ALOXE3: variants seen among roughly 807,000 people sequenced by gnomAD.
ALOXE3 encodes hydroperoxide isomerase ALOXE3.
A neutral mutation model predicts 87.5 loss-of-function variants in ALOXE3; 78 were observed. The ratio of observed to expected loss-of-function variants is 0.89; its 90% confidence interval spans 0.74 to 1.08. ALOXE3 has a LOEUF of 1.08. ALOXE3 is among the 50% of genes least tolerant of loss of function. The pLI is 0.00. For synonymous variants in ALOXE3, 363 were observed against 370.8 expected (o/e 0.98, Z 0.24); for missense variants, 946 against 912.4 (o/e 1.04, Z -0.47).
chr17:8,112,945 C>T (rs1384697981), intron 6 of ALOXE3, among the ~76,000 whole-genome samples: 1 of 152,064 alleles, frequency 6.6e-6, no homozygotes, highest in Non-Finnish European at 1.5e-5. Flanking sequence ...CCATGTAGTA[C>T]CTCCCAAGTA....
Position 8,103,455 on chromosome 17 carries a change from G to A in ALOXE3, c.1824C>T (p.Ser608=). Residue 608 remains serine (S), a synonymous_variant, in exon 15 of 16, where the codon TCC becomes TCT. Transcript: ENST00000448843. ...TGGTCTGGGGTGGGGGCTGCCTCAT[G>A]GATGATGGAGCATTGGGCATCCAGG... ...FGAWMPNAPS[S]MRQPPPQTKG... 6.2e-7 allele frequency: 1 copy of A among 1,614,176 alleles called. No individual in the cohort carries two copies. Among genetic ancestry groups the A allele is most frequent in the Non-Finnish European group, 8.5e-7 (1 of 1,180,024 alleles).
intron 13 of ALOXE3, among the ~76,000 whole-genome samples, chr17:8,107,825 G>T (rs538908726): frequency 0.014 from 31 of 2,294 alleles, no homozygotes; most frequent in African/African-American, 0.039. Context: ...AAGAAAGAAA[G>T]AAAGAAAGAA....
In ALOXE3 at chr17:8,112,216, T is replaced by C; in HGVS notation, c.681-20A>G. On this transcript the variant is annotated intron_variant, in intron 6 of 15. Transcript: ENST00000448843. Reference sequence around the variant, plus strand: ...AAGGACCTGATGGGAGAGGAAAAGATGAGGGTGAGGTCTGGGGGCTAGAGT... The same window carrying C: ...AAGGACCTGATGGGAGAGGAAAAGACGAGGGTGAGGTCTGGGGGCTAGAGT... The C allele has an allele frequency of 6.3e-7, 1 of 1,586,458 alleles. No homozygotes were observed. The highest frequency in any genetic ancestry group is 2.2e-5 in the East Asian group (1 of 44,716).
chr17:8,115,634 T>G lies in ALOXE3; in HGVS notation c.407A>C (p.Glu136Ala). Residue 136 changes from glutamate (E) to alanine (A), a missense_variant, in exon 4 of 16, where the codon GAG (glutamate) becomes GCG (alanine). Coordinates refer to ENST00000448843, the MANE Select transcript of ALOXE3 (RefSeq NM_021628.3). ...LPLLLDHRTR[E>A]LRARQECYRW... ...GTAGCATTCTTGTCGGGCCCGGAGCTCCCGTGTCCTGTGATCCAGGAGGAG... is the reference window on the plus strand; with the variant it reads ...GTAGCATTCTTGTCGGGCCCGGAGCGCCCGTGTCCTGTGATCCAGGAGGAG... 1 of 1,614,114 alleles carries G rather than the reference T, an allele frequency of 6.2e-7. No individual in the cohort carries two copies. Among genetic ancestry groups the G allele is most frequent in the Non-Finnish European group, 8.5e-7 (1 of 1,179,976 alleles).
chr17:8,096,462 G>A lies in ALOXE3; in HGVS notation c.*165C>T. 1.5e-6 allele frequency: 1 copy of A among 660,428 alleles called. No homozygotes were observed. The highest frequency in any genetic ancestry group is 2.5e-5 in the East Asian group (1 of 39,402). 40.9% of individuals were successfully genotyped at this position (660,428 alleles called of 1,614,324 possible). On this transcript the variant is annotated 3_prime_UTR_variant, in exon 16 of 16. Transcript: ENST00000448843. ...CTGGTCTCTCACAGCTCAGGGCCCA[G>A]TTTGTATGATGTCAGAGCCATCTTG...
rs1598206020 is a variant in ALOXE3, at chr17:8,108,051, GAAA to G, written c.1684+414_1684+416del. Among the ~76,000 whole-genome samples, 11 of 149,204 alleles carry G rather than the reference GAAA, an allele frequency of 7.4e-5. 2 individuals are homozygous for G. Among genetic ancestry groups the G allele is most frequent in the Admixed American group, 6.7e-4 (10 of 14,874 alleles). On this transcript the variant is annotated intron_variant, in intron 13 of 15. Coordinates refer to ENST00000448843, the MANE Select transcript of ALOXE3 (RefSeq NM_021628.3). ...AGAAAGAAAGAAAGAAAGAAAGAAA[GAAA>G]GAAAGAAAGAAAGGAAGAGAGGTTG...
At chr17:8,105,822 T>A (rs1487722089) in intron 13 of ALOXE3, among the ~76,000 whole-genome samples, 1 of 144,078 alleles carries the variant, frequency 6.9e-6, no homozygotes, top group African/African-American at 2.6e-5. Flanking sequence ...GGCTGAGGCA[T>A]GAGGATCACT....
At chr17:8,118,428 C>G in intron 1 of ALOXE3, 58 bp downstream of exon 1, 1 of 1,550,822 alleles carries the variant, frequency 6.4e-7, no homozygotes, top group Non-Finnish European at 8.7e-7. Context: ...CGCCCACTCC[C>G]CAATGTCCCC....
In ALOXE3 at chr17:8,107,774, G is replaced by A. The variant is rs1416070668; in HGVS notation, c.1684+694C>T. Among the ~76,000 whole-genome samples the A allele has an allele frequency of 2.1e-5, 3 of 142,770 alleles. 1 individual carries two copies. Among genetic ancestry groups the A allele is most frequent in the Non-Finnish European group, 4.6e-5 (3 of 65,656 alleles). The allele number at this position is 142,770 out of a possible 152,430, so 93.7% of individuals were successfully genotyped here. ...AGATCGCGCCACTGCACTCCAGCCT[G>A]GGCGACAGAGGGAGACTCCGTCTCA... On this transcript the variant is annotated intron_variant, in intron 13 of 15. Transcript: ENST00000448843.
intron 2 of ALOXE3, among the ~76,000 whole-genome samples, chr17:8,117,595 A>G (rs535334305): frequency 4.7e-4 from 72 of 152,228 alleles, no homozygotes; most frequent in Admixed American, 9.8e-4. Flanking sequence ...GCCCACGGTC[A>G]ATTATGGGAG....
intron 15 of ALOXE3, among the ~76,000 whole-genome samples, chr17:8,100,488 T>C (rs2151829878): frequency 6.6e-6 from 1 of 152,384 alleles, no homozygotes; most frequent in African/African-American, 2.4e-5. Context: ...CCCAAATTTC[T>C]GATCCAGAGA....
intron 6 of ALOXE3, 57 bp downstream of exon 6, chr17:8,114,427 G>T: frequency 6.2e-7 from 1 of 1,613,220 alleles, no homozygotes; most frequent in East Asian, 2.2e-5. Flanking sequence ...GGGAGCACGG[G>T]GAGGGGGATG....
chr17:8,116,584 G>A (rs1980607338), intron 3 of ALOXE3, among the ~76,000 whole-genome samples, 192 bp downstream of exon 3: 2 of 152,176 alleles, frequency 1.3e-5, no homozygotes, highest in African/African-American at 4.8e-5. Flanking sequence ...GTCTCCAGAA[G>A]AGTCAATACC....
rs754470316 is a variant in ALOXE3 at position 8,104,193 on chromosome 17, G to GGT, written c.1705_1706dup (p.Gly571GlnfsTer5). ...TGAGGAACTTCACCATCTCTCCTGG[G>GGT]GTGCACAGCCGGCTTGGGAAACCTG... is the stretch of plus-strand genomic sequence containing the variant. On this transcript the variant is annotated frameshift_variant, in exon 14 of 16. Coordinates refer to ENST00000448843, the MANE Select transcript of ALOXE3 (RefSeq NM_021628.3). LOFTEE classifies it high-confidence loss of function. The GGT allele has an allele frequency of 2.5e-6, 4 of 1,613,996 alleles. No individual in the cohort carries two copies. Among genetic ancestry groups the GGT allele is most frequent in the Non-Finnish European group, 2.5e-6 (3 of 1,179,994 alleles).
At chr17:8,117,707 A>T (rs1980720196) in intron 2 of ALOXE3, 137 bp downstream of exon 2, 1 of 1,506,450 alleles carries the variant, frequency 6.6e-7, no homozygotes, top group East Asian at 2.5e-5. Flanking sequence ...AAAGACAGGG[A>T]CCTCAATAGG....
intron 6 of ALOXE3, among the ~76,000 whole-genome samples, chr17:8,113,297 C>T (rs1980262196): frequency 6.6e-6 from 1 of 152,152 alleles, no homozygotes; most frequent in Non-Finnish European, 1.5e-5. Context: ...AAGGACTTGG[C>T]TATGTCTGCC....
In ALOXE3 at chr17:8,116,952, G is replaced by T. The variant is rs140562111; in HGVS notation, c.176C>A (p.Ala59Glu). Reference protein sequence around the residue: ...SVQKYKVRCTAELGELLLLRV... With the variant: ...SVQKYKVRCTEELGELLLLRV... Reference sequence around the variant, plus strand: ...CAGCAGCAAGAGCTCACCCAGCTCCGCTGTGCAACGCACCTTGTACTTCTG... The same window carrying T: ...CAGCAGCAAGAGCTCACCCAGCTCCTCTGTGCAACGCACCTTGTACTTCTG... Residue 59 changes from alanine to glutamate, a missense_variant, in exon 3 of 16, where the codon GCG becomes GAG. Coordinates refer to ENST00000448843, the MANE Select transcript of ALOXE3 (RefSeq NM_021628.3). 6.2e-7 allele frequency: 1 copy of T among 1,613,982 alleles called. No individual in the cohort carries two copies. Among genetic ancestry groups the T allele is most frequent in the East Asian group, 2.2e-5 (1 of 44,888 alleles).
Position 8,103,513 on chromosome 17 carries a change from A to C in ALOXE3, c.1786-20T>G, listed in dbSNP as rs1178563388. On this transcript the variant is annotated intron_variant, in intron 14 of 15. Coordinates refer to ENST00000448843, the MANE Select transcript of ALOXE3 (RefSeq NM_021628.3). ...GTCATGCTGTGGAGACCCCCATCCC[A>C]GTTGGGTCAGTTGGCCAGAAGGGGA... 6.2e-7 allele frequency: 1 copy of C among 1,613,002 alleles called. No individual in the cohort carries two copies. Among genetic ancestry groups the C allele is most frequent in the African/African-American group, 1.3e-5 (1 of 74,860 alleles).
rs567373660 is a variant in ALOXE3 at position 8,098,229 on chromosome 17, TTTTTG to T, written c.1957-1428_1957-1424del. On this transcript the variant is annotated intron_variant, in intron 15 of 15. Coordinates refer to ENST00000448843, the MANE Select transcript of ALOXE3 (RefSeq NM_021628.3). ...AGTGTTTTTTGAAATATACTTTTGG[TTTTTG>T]TTTTTTTTTTTTTTTTTTTTTTGAG... Among the ~76,000 whole-genome samples the T allele has an allele frequency of 9.9e-3, 1,060 of 106,786 alleles. 27 individuals carry two copies. The highest frequency in any genetic ancestry group is 0.028 in the African/African-American group (905 of 32,060). The allele number at this position is 106,786 out of a possible 152,430, so 70.1% of individuals were successfully genotyped here.
Sources: gnomAD v4.1 joint callset for allele counts (sites outside exome capture counted in the v4.1 genomes callset) on GRCh38, gnomAD v4.1.1 for gene constraint, MANE v1.5 for transcripts, NCBI Gene and HGNC (gene_info 2026-07-23, HGNC 2026-07-21) for gene names.